MZT2A: variants seen among roughly 807,000 people sequenced by gnomAD.
MZT2A encodes the protein mitotic-spindle organizing protein 2A.
Under a neutral mutation model 12.4 loss-of-function variants are expected in MZT2A, and 8 were observed. That is an observed-to-expected ratio of 0.64 (90% CI 0.38 to 1.16). MZT2A has a LOEUF of 1.16. Ranked by LOEUF, MZT2A falls within the 50% of genes most tolerant of loss-of-function variation. MZT2A has a pLI of 0.01. For missense variants in MZT2A, 181 were observed against 223.6 expected, an observed-to-expected ratio of 0.81 and a Z score of 1.22; for synonymous variants, 88 against 107.5, an observed-to-expected ratio of 0.82 and a Z score of 1.12.
chr2:131,487,216 G>A (rs6733444), intron 2 of MZT2A, among the ~76,000 whole-genome samples: 25,976 of 152,108 alleles, frequency 0.17, 4,067 homozygotes, highest in African/African-American at 0.42. Context: ...TCAGTGGCTC[G>A]TGCCTGTAAT....
intron 2 of MZT2A, among the ~76,000 whole-genome samples, chr2:131,474,991 C>G (rs1299024111): frequency 6.6e-6 from 1 of 152,078 alleles, no homozygotes; most frequent in African/African-American, 2.4e-5. Flanking sequence ...GATGGAGTTT[C>G]GCTCTGTCGC....
intron 2 of MZT2A, among the ~76,000 whole-genome samples, chr2:131,487,694 G>A (rs559230746): frequency 1.4e-3 from 215 of 152,368 alleles, no homozygotes; most frequent in Middle Eastern, 0.014. Flanking sequence ...AGCTTCAAGT[G>A]ATGCTCCTGC....
upstream of MZT2A, chr2:131,493,130 G>A: frequency 6.8e-7 from 1 of 1,471,850 alleles, no homozygotes; most frequent in South Asian, 1.4e-5. Flanking sequence ...GCGACGCTAT[G>A]GGTCCCACAG....
chr2:131,475,204 C>T (rs1678616217), intron 2 of MZT2A, among the ~76,000 whole-genome samples: 1 of 151,742 alleles, frequency 6.6e-6, no homozygotes, highest in Non-Finnish European at 1.5e-5. Context: ...TGGTCTTGAA[C>T]TCCTGACCTG....
downstream of MZT2A, chr2:131,479,538 A>G (rs922061005): frequency 8.2e-6 from 13 of 1,585,444 alleles, no homozygotes; most frequent in Non-Finnish European, 1.1e-5. Context: ...TCATTTTATC[A>G]ACACTTAGAC....
At chr2:131,472,717 C>T (rs576387064) in intron 2 of MZT2A, among the ~76,000 whole-genome samples, 1 of 152,278 alleles carries the variant, frequency 6.6e-6, no homozygotes, top group East Asian at 1.9e-4. Context: ...GCTGCACCAC[C>T]TTGGTTGGTC....
At chr2:131,488,328 G>A (rs918470996) in intron 2 of MZT2A, among the ~76,000 whole-genome samples, 4 of 152,172 alleles carry the variant, frequency 2.6e-5, no homozygotes, top group African/African-American at 9.7e-5. Flanking sequence ...TGCTTCTGGG[G>A]TTTTCTATTT....
In MZT2A at chr2:131,488,949, C is replaced by G. The variant is rs141483401; in HGVS notation, c.319+2927G>C. Among the ~76,000 whole-genome samples the G allele has an allele frequency of 2.7e-3, 401 of 150,842 alleles. 1 individual carries two copies. The highest frequency in any genetic ancestry group is 9.2e-3 in the African/African-American group (375 of 40,826). ...GCACCCCCTAATCCTCCTGGCCCCT[C>G]TATGCCTGCATTTCCAGTGCCACAA... On this transcript the variant is annotated intron_variant, in intron 2 of 2. Coordinates refer to ENST00000309451, the MANE Select transcript of MZT2A (RefSeq NM_001085365.2).
At chr2:131,486,035 G>T (rs1389659943) in intron 2 of MZT2A, among the ~76,000 whole-genome samples, 1 of 151,360 alleles carries the variant, frequency 6.6e-6, no homozygotes, top group African/African-American at 2.5e-5. Context: ...TGGTGGTGGT[G>T]AGGGTTACAG....
intron 2 of MZT2A, chr2:131,472,313 A>G: frequency 1.5e-6 from 1 of 657,468 alleles, no homozygotes; most frequent in Non-Finnish European, 2.1e-6. Flanking sequence ...CTGTATACTA[A>G]ATAAAATACA....
intron 1 of MZT2A, 65 bp from the exon 2 acceptor site, chr2:131,492,089 C>G: frequency 1.3e-6 from 2 of 1,569,792 alleles, no homozygotes; most frequent in Non-Finnish European, 1.7e-6. Context: ...CCCTGAAGAC[C>G]GGACAAGGAC....
downstream of MZT2A, chr2:131,482,674 T>A: frequency 6.2e-7 from 1 of 1,614,106 alleles, no homozygotes; most frequent in Non-Finnish European, 8.5e-7. Context: ...GCCTGGACCA[T>A]AAGTTCGATC....
At chr2:131,488,118 T>C (rs1158245386) in intron 2 of MZT2A, among the ~76,000 whole-genome samples, 4 of 152,174 alleles carry the variant, frequency 2.6e-5, no homozygotes, top group South Asian at 2.1e-4. Flanking sequence ...ACGCCAGCCA[T>C]GTGTGGCTCG....
In MZT2A at chr2:131,492,371, C is replaced by G. The variant is rs1157433203; in HGVS notation, c.6G>C (p.Ala2=). 1 of 1,333,388 alleles carries G rather than the reference C, an allele frequency of 7.5e-7. No individual in the cohort carries two copies. Among genetic ancestry groups the G allele is most frequent in the Non-Finnish European group, 9.5e-7 (1 of 1,051,830 alleles). 82.6% of individuals were successfully genotyped at this position (1,333,388 alleles called of 1,614,324 possible). ...CCGGCCCAGGCCCTACGCCCTGCGC[C>G]GCCATCCGCGAGGCCCGCCGAAAGG... M[A]AQGVGPGPGS... is the part of the protein sequence containing the mutation. The change falls in exon 1 of 3, where the codon GCG becomes GCC. Residue 2 remains alanine, a synonymous_variant. Transcript: ENST00000309451.
intron 2 of MZT2A, among the ~76,000 whole-genome samples, chr2:131,474,405 CT>C (rs70994777): frequency 0.018 from 1,688 of 94,744 alleles, 15 homozygotes; most frequent in African/African-American, 0.041. Flanking sequence ...TCTTCTTCTT[CT>C]TTTTTTTTTT....
intron 2 of MZT2A, chr2:131,490,710 A>C: frequency 6.5e-7 from 1 of 1,549,740 alleles, no homozygotes; most frequent in South Asian, 1.2e-5. Flanking sequence ...CAATAAACGC[A>C]ACCTGCAAAA....
chr2:131,490,453 C>T lies in MZT2A; in HGVS notation c.319+1423G>A, dbSNP rs551552907. ...CCCCTGGAGAGGGGCTCTTTACACT[C>T]ACCACTAGTTCGCCTCTGGGGTGTG... is the stretch of plus-strand genomic sequence containing the variant. On this transcript the variant is annotated intron_variant, in intron 2 of 2. Coordinates refer to ENST00000309451, the MANE Select transcript of MZT2A (RefSeq NM_001085365.2). 3.5e-5 allele frequency: 47 copies of T among 1,351,924 alleles called. No individual in the cohort carries two copies. In the South Asian group the frequency reaches 4.4e-4, roughly 13 times the overall value. 83.7% of individuals were successfully genotyped at this position (1,351,924 alleles called of 1,614,324 possible).
At chr2:131,490,510 C>T (rs772062781) in intron 2 of MZT2A, 369 of 1,433,384 alleles carry the variant, frequency 2.6e-4, no homozygotes, top group Non-Finnish European at 3.2e-4. Flanking sequence ...GATGCCAGCC[C>T]GACTGTGGGG....
chr2:131,490,624 T>A, intron 2 of MZT2A: 1 of 1,548,572 alleles, frequency 6.5e-7, no homozygotes. Flanking sequence ...CCCTTGCAGC[T>A]CAAAGCTGCT....
Sources: allele counts gnomAD v4.1 joint callset (sites outside exome capture counted in the v4.1 genomes callset), GRCh38; gene constraint gnomAD v4.1.1; transcripts MANE v1.5; gene names NCBI Gene and HGNC (gene_info 2026-07-23, HGNC 2026-07-21).